Variants in LEKR1 observed in about 807,000 individuals in gnomAD.
LEKR1 encodes the protein leucine, glutamate and lysine rich 1.
Under a neutral mutation model 72.4 loss-of-function variants are expected in LEKR1, and 59 were observed. The observed-to-expected ratio is 0.82, with a 90% confidence interval of 0.66 to 1.01. The LOEUF (loss-of-function observed/expected upper bound fraction) is 1.01. Among genes scored for constraint, LEKR1 ranks in the 50% least tolerant of loss-of-function variants. LEKR1 has a pLI of 0.00. For missense variants in LEKR1, 728 were observed against 759.2 expected, an observed-to-expected ratio of 0.96 and a Z score of 0.48; for synonymous variants, 257 against 263.2, an observed-to-expected ratio of 0.98 and a Z score of 0.23.
At position 157,028,389 on chromosome 3, in the gene LEKR1, AG is replaced by A; in HGVS notation, c.1656del (p.Gln552HisfsTer23). The A allele has an allele frequency of 6.3e-7, 1 of 1,592,162 alleles. No individual in the cohort carries two copies. On this transcript the variant is annotated frameshift_variant, in exon 12 of 13. Coordinates refer to ENST00000356539, the MANE Select transcript of LEKR1 (RefSeq NM_001004316.3). LOFTEE classifies it low-confidence loss of function (END_TRUNC). ...ACACAACTGATAGAGCAATTTAACC[AG>A]TCCCAGGAAGAGGTAGGAAGCAGAT... ...AQTQLIEQFNQSQEENTFLQE... is the reference protein window; with the variant it reads ...AQTQLIEQFNXSQEENTFLQE...
chr3:156,850,108 A>C (rs1715164985), intron 2 of LEKR1, among the ~76,000 whole-genome samples: 1 of 152,202 alleles, frequency 6.6e-6, no homozygotes, highest in Non-Finnish European at 1.5e-5. Context: ...GGATATGAAC[A>C]GATGCTTCTC....
At chr3:156,941,263 C>T (rs1048456843) in intron 5 of LEKR1, among the ~76,000 whole-genome samples, 3 of 152,092 alleles carry the variant, frequency 2.0e-5, no homozygotes, top group Admixed American at 6.6e-5. Context: ...AAGTGCCAGA[C>T]CCCTTGTGCT....
chr3:156,922,193 A>G (rs2108573292), intron 4 of LEKR1, among the ~76,000 whole-genome samples: 1 of 152,314 alleles, frequency 6.6e-6, no homozygotes, highest in African/African-American at 2.4e-5. Context: ...ACTGGTAGAT[A>G]TAATGCATTC....
intron 3 of LEKR1, among the ~76,000 whole-genome samples, chr3:156,863,661 A>G (rs1477630959): frequency 6.6e-6 from 1 of 152,126 alleles, no homozygotes; most frequent in Admixed American, 6.6e-5. Context: ...CATTTTACAG[A>G]TGGCTAAGCA....
intron 6 of LEKR1, among the ~76,000 whole-genome samples, chr3:156,964,977 T>C (rs1379409216): frequency 2.6e-5 from 4 of 152,304 alleles, no homozygotes; most frequent in African/African-American, 9.6e-5. Flanking sequence ...TCCATGTCCC[T>C]TCCTACTTTG....
chr3:156,908,426 T>C (rs1399546189), intron 3 of LEKR1, among the ~76,000 whole-genome samples: 1 of 152,204 alleles, frequency 6.6e-6, no homozygotes, highest in Non-Finnish European at 1.5e-5. Context: ...CTGTCTTTTA[T>C]TACTCAATTG....
At position 156,880,456 on chromosome 3, in the gene LEKR1, G is replaced by A. The variant is rs576828771; in HGVS notation, c.263+27474G>A. ...TCTCCCAAGACTAAACCAGTAAGAA[G>A]TTGAATCTCTGAATAGACCAATAAC... On this transcript the variant is annotated intron_variant, in intron 3 of 12. Transcript: ENST00000356539. Among the ~76,000 whole-genome samples, 12 of 152,298 alleles carry A rather than the reference G, an allele frequency of 7.9e-5. No individual in the cohort carries two copies. In the South Asian group the frequency reaches 1.2e-3, roughly 16 times the overall value.
chr3:157,014,647 C>T (rs1733162766), intron 10 of LEKR1, among the ~76,000 whole-genome samples: 1 of 152,052 alleles, frequency 6.6e-6, no homozygotes, highest in Admixed American at 6.6e-5. Context: ...ATATTGAGGA[C>T]ATGCTTTAAT....
intron 5 of LEKR1, among the ~76,000 whole-genome samples, chr3:156,927,968 G>A (rs7637701): frequency 0.43 from 64,691 of 151,642 alleles, 16,046 homozygotes; most frequent in East Asian, 0.73. Context: ...AGACAATAAA[G>A]AGTGACCCAA....
At chr3:156,872,717 C>G (rs2108547402) in intron 3 of LEKR1, among the ~76,000 whole-genome samples, 1 of 152,056 alleles carries the variant, frequency 6.6e-6, no homozygotes, top group South Asian at 2.1e-4. Context: ...TGTTCAGGAG[C>G]ATGTTGTTTA....
chr3:157,031,048 G>A (rs561375251), intron 12 of LEKR1, among the ~76,000 whole-genome samples: 4 of 152,250 alleles, frequency 2.6e-5, no homozygotes, highest in East Asian at 1.9e-4. Flanking sequence ...CACACTCGAG[G>A]TGAAATCATT....
intron 5 of LEKR1, among the ~76,000 whole-genome samples, chr3:156,933,612 A>G (rs1725444785): frequency 6.6e-6 from 1 of 152,212 alleles, no homozygotes; most frequent in Non-Finnish European, 1.5e-5. Flanking sequence ...CATAATATCA[A>G]TAATTGTGAA....
chr3:156,942,105 T>C (rs1369678635), intron 5 of LEKR1, among the ~76,000 whole-genome samples: 1 of 152,002 alleles, frequency 6.6e-6, no homozygotes, highest in East Asian at 1.9e-4. Context: ...TTGTAGAGAA[T>C]GTATTCTAGT....
At chr3:156,926,662 C>CT (rs1471351350) in intron 4 of LEKR1, among the ~76,000 whole-genome samples, 1 of 151,976 alleles carries the variant, frequency 6.6e-6, no homozygotes, top group African/African-American at 2.4e-5. Context: ...GAGGAGGAAT[C>CT]TATTTTATTT....
chr3:157,038,397 G>A (rs1735112216), intron 12 of LEKR1, among the ~76,000 whole-genome samples: 2 of 152,186 alleles, frequency 1.3e-5, no homozygotes, highest in African/African-American at 4.8e-5. Context: ...ATGCCTGTTA[G>A]ATACCCAAGT....
At chr3:156,927,344 T>C in intron 4 of LEKR1, 85 bp from the exon 5 acceptor site, 1 of 452,622 alleles carries the variant, frequency 2.2e-6, no homozygotes. Context: ...CACTAGATTA[T>C]ATGGTCACTC....
rs1234584297 is a variant in LEKR1, at chr3:156,852,808, G to C, written c.89G>C (p.Ser30Thr). 2 of 1,534,692 alleles carry C rather than the reference G, an allele frequency of 1.3e-6. No individual in the cohort carries two copies. The highest frequency in any genetic ancestry group is 4.9e-5 in the East Asian group (2 of 40,754). Residue 30 changes from serine (S) to threonine (T), a missense_variant, in exon 3 of 13, where the codon AGC (serine) becomes ACC (threonine). Transcript: ENST00000356539. ...AAAGTTTGTAAGTACTGTGGAGTCA[G>C]CTATCTAATTCTTCATGAATTTAAG... The part of the protein sequence containing the change: ...EEKVCKYCGV[S>T]YLILHEFKAM...
intron 6 of LEKR1, among the ~76,000 whole-genome samples, chr3:156,958,360 A>C (rs954205075): frequency 3.9e-5 from 6 of 152,156 alleles, no homozygotes; most frequent in African/African-American, 1.4e-4. Flanking sequence ...TGGTTTAGAA[A>C]GACTATAGAA....
At chr3:157,043,992 C>T (rs1735563354) in intron 12 of LEKR1, among the ~76,000 whole-genome samples, 1 of 152,088 alleles carries the variant, frequency 6.6e-6, no homozygotes, top group Non-Finnish European at 1.5e-5. Context: ...TTTTGATTAC[C>T]AAATTTGGAA....
Sources: gnomAD v4.1 joint callset for allele counts (sites outside exome capture counted in the v4.1 genomes callset) on GRCh38, gnomAD v4.1.1 for gene constraint, MANE v1.5 for transcripts, NCBI Gene and HGNC (gene_info 2026-07-23, HGNC 2026-07-21) for gene names.